Variants in PARD3B observed in about 807,000 individuals in gnomAD.
PARD3B encodes the protein partitioning defective 3 homolog B.
A neutral mutation model predicts 130.2 loss-of-function variants in PARD3B; 103 were observed. The observed-to-expected ratio is 0.79, with a 90% CI of 0.67 to 0.93. The LOEUF (loss-of-function observed/expected upper bound fraction) is 0.93. Among genes scored for constraint, PARD3B ranks in the 40% least tolerant of loss-of-function variants. The pLI, the probability that PARD3B is intolerant of heterozygous loss-of-function variation, is 0.00. For synonymous variants in PARD3B, 583 were observed against 553.2 expected, an observed-to-expected ratio of 1.05 and a Z score of -0.76; for missense variants, 1,609 against 1,499.2, an observed-to-expected ratio of 1.07 and a Z score of -1.21.
At chr2:205,381,258 A>T (rs147888254) in intron 18 of PARD3B, among the ~76,000 whole-genome samples, 3,199 of 87,694 alleles carry the variant, frequency 0.036, 186 homozygotes, top group East Asian at 0.24. Context: ...TATGTTATAT[A>T]TATAATATAT....
intron 1 of PARD3B, among the ~76,000 whole-genome samples, chr2:204,568,349 A>G (rs2031800516): frequency 6.6e-6 from 1 of 152,252 alleles, no homozygotes; most frequent in Non-Finnish European, 1.5e-5. Context: ...TAACAGAAAA[A>G]GAAATAACAA....
chr2:205,423,023 A>G (rs2047024004), intron 19 of PARD3B, among the ~76,000 whole-genome samples: 1 of 152,180 alleles, frequency 6.6e-6, no homozygotes, highest in Non-Finnish European at 1.5e-5. Context: ...GTTTGAACTG[A>G]TGGCCATGGT....
chr2:205,437,453 A>G (rs2047556933), intron 19 of PARD3B, among the ~76,000 whole-genome samples: 1 of 152,212 alleles, frequency 6.6e-6, no homozygotes, highest in African/African-American at 2.4e-5. Flanking sequence ...GTACAGTCCA[A>G]TAGAACGCTC....
rs1432369834 is a variant in PARD3B at position 205,563,642 on chromosome 2, T to C, written c.3260+10239T>C. ...AGAGAAAATAGAAAATGTCAAAACC[T>C]ACGGGTTGTAAAAAAAAAAAGTAAT... On this transcript the variant is annotated intron_variant, in intron 22 of 22. Transcript: ENST00000406610. This position sits in a 1 kb window ranked among gnomAD's most constrained non-coding sequence, Gnocchi z 4.2. Among the ~76,000 whole-genome samples, 1 of 116,172 alleles carries C rather than the reference T, an allele frequency of 8.6e-6. No individual in the cohort carries two copies. The highest frequency in any genetic ancestry group is 2.0e-5 in the Non-Finnish European group (1 of 50,946). 76.2% of individuals were successfully genotyped at this position (116,172 alleles called of 152,430 possible).
intron 1 of PARD3B, among the ~76,000 whole-genome samples, chr2:204,582,126 G>T (rs2032587818): frequency 6.6e-6 from 1 of 152,136 alleles, no homozygotes; most frequent in Non-Finnish European, 1.5e-5. Flanking sequence ...TGTTCCCAAG[G>T]TATGAGGCAC....
chr2:205,376,814 G>A (rs1254525172), intron 18 of PARD3B, among the ~76,000 whole-genome samples: 1 of 152,162 alleles, frequency 6.6e-6, no homozygotes, highest in Admixed American at 6.5e-5. Flanking sequence ...TGAGGTGGAG[G>A]GTCTGGGGGA....
intron 10 of PARD3B, among the ~76,000 whole-genome samples, chr2:205,145,288 C>A (rs1272060440): frequency 6.6e-6 from 1 of 151,638 alleles, no homozygotes; most frequent in African/African-American, 2.4e-5. Flanking sequence ...AATTGTCTTT[C>A]TGTACAGAAA....
chr2:205,011,763 A>G lies in PARD3B; in HGVS notation c.395-35818A>G, dbSNP rs1298520856. On this transcript the variant is annotated intron_variant, in intron 3 of 22. Coordinates refer to ENST00000406610, the MANE Select transcript of PARD3B (RefSeq NM_001302769.2). This position sits in a 1 kb window ranked among gnomAD's most constrained non-coding sequence, Gnocchi z 4.1. ...TTGGAAATAAAGAAGGGGTCTCACC[A>G]TTCAGTATTTGACTCTTCCTTAGTT... is the stretch of plus-strand genomic sequence containing the variant. 1.3e-5 allele frequency among the ~76,000 whole-genome samples: 2 copies of G among 151,350 alleles called. No individual in the cohort carries two copies. Among genetic ancestry groups the G allele is most frequent in the Admixed American group, 1.3e-4 (2 of 15,224 alleles).
chr2:204,796,940 G>A (rs985489081), intron 2 of PARD3B, among the ~76,000 whole-genome samples: 1 of 151,990 alleles, frequency 6.6e-6, no homozygotes, highest in Non-Finnish European at 1.5e-5. Flanking sequence ...TTTGGGAGGT[G>A]GAAGTGGGTG....
At position 205,431,618 on chromosome 2, in the gene PARD3B, T is replaced by C. The variant is rs556909264; in HGVS notation, c.2742-8752T>C. On this transcript the variant is annotated intron_variant, in intron 19 of 22. Coordinates refer to ENST00000406610, the MANE Select transcript of PARD3B (RefSeq NM_001302769.2). ...CCGAGTAGCTGGGACTATAGGCGTC[T>C]ACCACCACGCTCAGCTAATTTTTTG... Among the ~76,000 whole-genome samples the C allele has an allele frequency of 2.6e-5, 4 of 151,856 alleles. No individual in the cohort carries two copies. In the South Asian group the frequency reaches 8.3e-4, roughly 32 times the overall value.
At chr2:204,620,298 C>G (rs969279284) in intron 1 of PARD3B, among the ~76,000 whole-genome samples, 1 of 152,054 alleles carries the variant, frequency 6.6e-6, no homozygotes, top group African/African-American at 2.4e-5. Flanking sequence ...ACACCTCACC[C>G]GGCTCATGCA....
At chr2:204,925,131 A>G (rs568445216) in intron 2 of PARD3B, among the ~76,000 whole-genome samples, 1 of 152,026 alleles carries the variant, frequency 6.6e-6, no homozygotes, top group South Asian at 2.1e-4. Flanking sequence ...GAAAACCCAT[A>G]GCTGATGCAG....
chr2:205,118,754 T>G (rs1324393583), intron 6 of PARD3B, among the ~76,000 whole-genome samples, 167 bp from the exon 7 acceptor site: 1 of 152,248 alleles, frequency 6.6e-6, no homozygotes, highest in African/African-American at 2.4e-5. Context: ...GTAGTCAGTT[T>G]TGGCTTTTTT....
chr2:205,096,816 GT>G (rs920298249), intron 4 of PARD3B, among the ~76,000 whole-genome samples: 7 of 152,024 alleles, frequency 4.6e-5, no homozygotes, highest in Non-Finnish European at 7.4e-5. Context: ...TCCAAAAAAG[GT>G]TTTTTTTATT....
chr2:204,738,519 G>A (rs180989814), intron 2 of PARD3B, among the ~76,000 whole-genome samples: 29 of 152,152 alleles, frequency 1.9e-4, no homozygotes, highest in African/African-American at 6.3e-4. Flanking sequence ...CTTAAAACAA[G>A]TCTAGTTTAT....
At chr2:205,059,437 T>C (rs1419717885) in intron 4 of PARD3B, among the ~76,000 whole-genome samples, 1 of 152,040 alleles carries the variant, frequency 6.6e-6, no homozygotes, top group Non-Finnish European at 1.5e-5. Flanking sequence ...ATGACAAATA[T>C]CATTTGTCTC....
At chr2:205,087,017 A>C (rs1232987465) in intron 4 of PARD3B, among the ~76,000 whole-genome samples, 1 of 152,210 alleles carries the variant, frequency 6.6e-6, no homozygotes, top group African/African-American at 2.4e-5. Context: ...TTCATTGCTG[A>C]GAGTCTTCCA....
rs539572785 is a variant in PARD3B, at chr2:205,397,298, C to G, written c.2631-3715C>G. Among the ~76,000 whole-genome samples the G allele has an allele frequency of 8.5e-5, 13 of 152,292 alleles. No individual in the cohort carries two copies. The South Asian group carries it at 2.7e-3, about 32-fold the overall frequency. On this transcript the variant is annotated intron_variant, in intron 18 of 22. Coordinates refer to ENST00000406610, the MANE Select transcript of PARD3B (RefSeq NM_001302769.2). The surrounding 1 kb of genome is among the most constrained non-coding windows in gnomAD (Gnocchi z 4.8). ...GTATTTCTGCCCTTCTTATTGGAAACTTGAATCGAGGATCATGAACTTTAA... is the reference window on the plus strand; with the variant it reads ...GTATTTCTGCCCTTCTTATTGGAAAGTTGAATCGAGGATCATGAACTTTAA...
At chr2:205,206,258 C>G (rs2037298165) in intron 15 of PARD3B, among the ~76,000 whole-genome samples, 1 of 142,706 alleles carries the variant, frequency 7.0e-6, no homozygotes, top group Admixed American at 7.3e-5. Context: ...GGTACATGTG[C>G]ACATTGTGCA....
Sources: allele counts gnomAD v4.1 joint callset (sites outside exome capture counted in the v4.1 genomes callset), GRCh38; gene constraint gnomAD v4.1.1; non-coding constraint Gnocchi (gnomAD v3.1); transcripts MANE v1.5; gene names NCBI Gene and HGNC (gene_info 2026-07-23, HGNC 2026-07-21).